Variants in FBXO8 observed in about 807,000 individuals in gnomAD.
FBXO8 encodes the protein F-box only protein 8.
Under a neutral mutation model 33.4 loss-of-function variants are expected in FBXO8, and 15 were observed. That is an observed-to-expected ratio of 0.45 (90% confidence interval 0.30 to 0.69). The LOEUF is 0.69. Ranked by LOEUF, FBXO8 falls within the 30% of genes least tolerant of loss-of-function variation. The pLI is 0.08. For missense variants in FBXO8, 274 were observed against 380.3 expected, an observed-to-expected ratio of 0.72 and a Z score of 2.32; for synonymous variants, 132 against 131.5, an observed-to-expected ratio of 1.00 and a Z score of -0.02.
intron 3 of FBXO8, among the ~76,000 whole-genome samples, chr4:174,248,886 T>C (rs1331441845): frequency 6.6e-6 from 1 of 151,886 alleles, no homozygotes; most frequent in African/African-American, 2.4e-5. Context: ...AAATCCCACA[T>C]AAAAGAGTGA....
rs540685299 is a variant in FBXO8 at position 174,257,219 on chromosome 4, A to C, written c.456+2480T>G. Reference sequence around the variant, plus strand: ...TAGCTTTTCCAAATTAGATATTTAAACCTATACATATAACATTTTAGCATA... The same window carrying C: ...TAGCTTTTCCAAATTAGATATTTAACCCTATACATATAACATTTTAGCATA... On this transcript the variant is annotated intron_variant, in intron 3 of 5. Coordinates refer to ENST00000393674, the MANE Select transcript of FBXO8 (RefSeq NM_012180.3). This position sits in a 1 kb window ranked among gnomAD's most constrained non-coding sequence, Gnocchi z 4.3. Among the ~76,000 whole-genome samples, 333 of 152,194 alleles carry C rather than the reference A, an allele frequency of 2.2e-3. 2 individuals carry two copies. In the Middle Eastern group the frequency reaches 0.031, roughly 14 times the overall value.
In FBXO8 at chr4:174,253,930, G is replaced by A. The variant is rs534551657; in HGVS notation, c.456+5769C>T. 6.8e-4 allele frequency among the ~76,000 whole-genome samples: 103 copies of A among 152,232 alleles called. No individual in the cohort carries two copies. The highest frequency in any genetic ancestry group is 2.5e-3 in the African/African-American group (103 of 41,518). On this transcript the variant is annotated intron_variant, in intron 3 of 5. Coordinates refer to ENST00000393674, the MANE Select transcript of FBXO8 (RefSeq NM_012180.3). This position sits in a 1 kb window ranked among gnomAD's most constrained non-coding sequence, Gnocchi z 4.5. ...TAGCATCTTGCTATCAAGAGAGGGT[G>A]AAAGTCAACACACTCAGGTCCATCA... is the stretch of plus-strand genomic sequence containing the variant.
Position 174,236,823 on chromosome 4 carries a change from A to G in FBXO8, c.*589T>C, listed in dbSNP as rs995132103. 1.3e-5 allele frequency: 2 copies of G among 152,060 alleles called. No homozygotes were observed. The highest frequency in any genetic ancestry group is 4.8e-5 in the African/African-American group (2 of 41,432). The allele number at this position is 152,060 out of a possible 1,614,324, so 9.4% of individuals were successfully genotyped here. ...AATTTATATTATAAAAATAACTGCC[A>G]GTTTTGCATAGTAATATAGTAACAA... is the stretch of plus-strand genomic sequence containing the variant. On this transcript the variant is annotated 3_prime_UTR_variant, in exon 6 of 6. Transcript: ENST00000393674.
chr4:174,244,494 A>G (rs1477033816), intron 3 of FBXO8, among the ~76,000 whole-genome samples: 1 of 151,694 alleles, frequency 6.6e-6, no homozygotes, highest in African/African-American at 2.4e-5. Flanking sequence ...CGTTTAATCT[A>G]TACACATTTT....
chr4:174,248,431 T>TA (rs1560867462), intron 3 of FBXO8, among the ~76,000 whole-genome samples: 3 of 152,048 alleles, frequency 2.0e-5, no homozygotes, highest in African/African-American at 7.2e-5. Context: ...GGCTCTGTGT[T>TA]ACACAGAACT....
chr4:174,279,899 C>T (rs929012497), intron 1 of FBXO8, among the ~76,000 whole-genome samples: 3 of 151,668 alleles, frequency 2.0e-5, no homozygotes, highest in African/African-American at 4.8e-5. Flanking sequence ...TACTCTTAGA[C>T]GAAAAAACAG....
Position 174,259,817 on chromosome 4 carries a change from T to G in FBXO8, c.338A>C (p.Lys113Thr). ...TATGGAACAGTGACCCCAAGTGGAT[T>G]TGCACAACCTATAAAATCAGAGAAA... is the stretch of plus-strand genomic sequence containing the variant. The part of the protein sequence containing the change: ...NDELLWQGLC[K>T]STWGHCSIYN... Residue 113 changes from lysine to threonine, a missense_variant, in exon 3 of 6, where the codon AAA (lysine) becomes ACA (threonine). Lys to Thr is a moderately conservative substitution (Grantham distance 78, BLOSUM62 -1). This residue lies in a region of FBXO8 where 186 missense variants were observed against 293.4 expected (regional missense o/e 0.63). Transcript: ENST00000393674. This position sits in a 1 kb window ranked among gnomAD's most constrained non-coding sequence, Gnocchi z 4.3. 5 of 1,583,232 alleles carry G rather than the reference T, an allele frequency of 3.2e-6. No individual in the cohort carries two copies. Among genetic ancestry groups the G allele is most frequent in the Non-Finnish European group, 4.3e-6 (5 of 1,171,676 alleles).
At chr4:174,273,860 A>T (rs1736893815) in intron 1 of FBXO8, among the ~76,000 whole-genome samples, 1 of 152,190 alleles carries the variant, frequency 6.6e-6, no homozygotes, top group African/African-American at 2.4e-5. Flanking sequence ...TATTATTATT[A>T]TTATTACCTT....
chr4:174,274,163 C>G lies in FBXO8; in HGVS notation c.-9+9247G>C, dbSNP rs1736899979. 6.6e-6 allele frequency among the ~76,000 whole-genome samples: 1 copy of G among 152,200 alleles called. No individual in the cohort carries two copies. Among genetic ancestry groups the G allele is most frequent in the Admixed American group, 6.5e-5 (1 of 15,276 alleles). ...ATCGTTGGTCCCAGCTGCAGCTGCT[C>G]TTTCAGGCTACTGCTGTTCTTGTGG... is the stretch of plus-strand genomic sequence containing the variant. On this transcript the variant is annotated intron_variant, in intron 1 of 5. Coordinates refer to ENST00000393674, the MANE Select transcript of FBXO8 (RefSeq NM_012180.3). This position sits in a 1 kb window ranked among gnomAD's most constrained non-coding sequence, Gnocchi z 4.0.
At position 174,265,678 on chromosome 4, in the gene FBXO8, A is replaced by T. The variant is rs1248574183; in HGVS notation, c.-8-2578T>A. On this transcript the variant is annotated intron_variant, in intron 1 of 5. Transcript: ENST00000393674. The surrounding 1 kb of genome is among the most constrained non-coding windows in gnomAD (Gnocchi z 4.7). ...AGGCAAAACTATGGAGACAGTAGAA[A>T]TGATCAACGTACAAAAAATAGAGAA... 6.6e-6 allele frequency among the ~76,000 whole-genome samples: 1 copy of T among 152,198 alleles called. No homozygotes were observed. Among genetic ancestry groups the T allele is most frequent in the Non-Finnish European group, 1.5e-5 (1 of 68,006 alleles).
In FBXO8 at chr4:174,237,728, A is replaced by G. The variant is rs1735920379; in HGVS notation, c.773-129T>C. The G allele has an allele frequency of 2.7e-6, 2 of 733,964 alleles. No homozygotes were observed. Among genetic ancestry groups the G allele is most frequent in the Non-Finnish European group, 2.1e-6 (1 of 471,366 alleles). 45.5% of individuals were successfully genotyped at this position (733,964 alleles called of 1,614,324 possible). A position where few individuals can be genotyped will look rare whatever the true frequency, so the allele number is the denominator to read the frequency against. ...TTAGCTCATAAATACAGAGTGACCA[A>G]TCCATCCCAGTTTGTCTAGACTCTT... On this transcript the variant is annotated intron_variant, in intron 5 of 5. Coordinates refer to ENST00000393674, the MANE Select transcript of FBXO8 (RefSeq NM_012180.3). The surrounding 1 kb of genome is among the most constrained non-coding windows in gnomAD (Gnocchi z 4.4).
intron 3 of FBXO8, among the ~76,000 whole-genome samples, chr4:174,242,357 T>TA (rs1736058690): frequency 6.6e-6 from 1 of 151,536 alleles, no homozygotes; most frequent in Non-Finnish European, 1.5e-5. Flanking sequence ...ACTTTTATGG[T>TA]AAAAATTTTT....
At chr4:174,271,264 G>A (rs569775099) in intron 1 of FBXO8, among the ~76,000 whole-genome samples, 3 of 152,306 alleles carry the variant, frequency 2.0e-5, no homozygotes, top group Non-Finnish European at 2.9e-5. Flanking sequence ...GTCTGCAATC[G>A]TATGGAGAGG....
At position 174,275,396 on chromosome 4, in the gene FBXO8, T is replaced by C. The variant is rs1166689202; in HGVS notation, c.-9+8014A>G. ...TGAGTAAGATGGGGGATTGTATCAATGTCAAAATCCTGGTTTTGATAGTAT... is the reference window on the plus strand; with the variant it reads ...TGAGTAAGATGGGGGATTGTATCAACGTCAAAATCCTGGTTTTGATAGTAT... On this transcript the variant is annotated intron_variant, in intron 1 of 5. Transcript: ENST00000393674. The surrounding 1 kb of genome is among the most constrained non-coding windows in gnomAD (Gnocchi z 4.4). Among the ~76,000 whole-genome samples the C allele has an allele frequency of 6.6e-6, 1 of 152,186 alleles. No homozygotes were observed. The highest frequency in any genetic ancestry group is 2.4e-5 in the African/African-American group (1 of 41,442).
In FBXO8 at chr4:174,238,772, T is replaced by TAC. The variant is rs10601617; in HGVS notation, c.772+220_772+221dup. 3.3e-3 allele frequency among the ~76,000 whole-genome samples: 485 copies of TAC among 145,936 alleles called. 3 individuals are homozygous for TAC. Among genetic ancestry groups the TAC allele is most frequent in the African/African-American group, 0.01 (413 of 39,876 alleles). On this transcript the variant is annotated intron_variant, in intron 5 of 5. Transcript: ENST00000393674. ...ATACATAGCCATGTATATATATATATACACACACACACACACACACACGCA... is the reference window on the plus strand; with the variant it reads ...ATACATAGCCATGTATATATATATATACACACACACACACACACACACACGCA...
intron 1 of FBXO8, among the ~76,000 whole-genome samples, chr4:174,282,370 A>ATT (rs921798738): frequency 6.6e-6 from 1 of 152,180 alleles, no homozygotes; most frequent in Non-Finnish European, 1.5e-5. Context: ...AACTGATAAT[A>ATT]TTTGTTGTTT....
At position 174,265,210 on chromosome 4, in the gene FBXO8, C is replaced by T. The variant is rs1467185946; in HGVS notation, c.-8-2110G>A. ...AAAATTAAACATACTTTGTATGATT[C>T]AGCATTAGCTGAATCATTTACCTAA... On this transcript the variant is annotated intron_variant, in intron 1 of 5. Transcript: ENST00000393674. This position sits in a 1 kb window ranked among gnomAD's most constrained non-coding sequence, Gnocchi z 4.7. Among the ~76,000 whole-genome samples the T allele has an allele frequency of 6.6e-6, 1 of 151,994 alleles. No homozygotes were observed. The highest frequency in any genetic ancestry group is 2.4e-5 in the African/African-American group (1 of 41,408).
intron 1 of FBXO8, among the ~76,000 whole-genome samples, chr4:174,266,292 T>C (rs542067318): frequency 1.3e-5 from 2 of 152,304 alleles, no homozygotes; most frequent in South Asian, 4.2e-4. Flanking sequence ...TTGAGGCTCA[T>C]GTATACATAG....
At chr4:174,239,964 G>A (rs1252971603) in intron 4 of FBXO8, among the ~76,000 whole-genome samples, 4 of 151,418 alleles carry the variant, frequency 2.6e-5, no homozygotes, top group Non-Finnish European at 5.9e-5. Flanking sequence ...AGGAACAGGC[G>A]AACTACAGCT....
Sources: gnomAD v4.1 joint callset for allele counts (sites outside exome capture counted in the v4.1 genomes callset) on GRCh38, gnomAD v4.1.1 for gene constraint, gnomAD v4.1.1 regional missense constraint, Gnocchi (gnomAD v3.1) non-coding constraint, MANE v1.5 for transcripts, NCBI Gene and HGNC (gene_info 2026-07-23, HGNC 2026-07-21) for gene names.